Variants in MYO1D observed in about 807,000 individuals in gnomAD.
The protein encoded by MYO1D is unconventional myosin-Id.
A neutral mutation model predicts 122.0 loss-of-function variants in MYO1D; 83 were observed. The ratio of observed to expected loss-of-function variants is 0.68; its 90% confidence interval spans 0.57 to 0.82. MYO1D has a LOEUF of 0.82. Among genes scored for constraint, MYO1D ranks in the 40% least tolerant of loss-of-function variants. The pLI is 0.00. For missense variants in MYO1D, 1,157 were observed against 1,269.5 expected (o/e 0.91, Z 1.35); for synonymous variants, 464 against 446.9 (o/e 1.04, Z -0.48).
intron 1 of MYO1D, among the ~76,000 whole-genome samples, chr17:32,840,511 C>T (rs1193875890): frequency 6.6e-6 from 1 of 152,140 alleles, no homozygotes; most frequent in Non-Finnish European, 1.5e-5. Context: ...TGTGTCATGA[C>T]ATAAAAAAGG....
At chr17:32,503,493 T>G (rs1248242331) in intron 21 of MYO1D, among the ~76,000 whole-genome samples, 1 of 152,126 alleles carries the variant, frequency 6.6e-6, no homozygotes, top group Non-Finnish European at 1.5e-5. Flanking sequence ...GAAAATGCAG[T>G]GGAAGTGGGG....
intron 14 of MYO1D, among the ~76,000 whole-genome samples, chr17:32,722,018 C>T (rs976578340): frequency 6.6e-6 from 1 of 152,138 alleles, no homozygotes; most frequent in Admixed American, 6.5e-5. Context: ...ATACAGAATA[C>T]TCTGTAGTTA....
intron 1 of MYO1D, among the ~76,000 whole-genome samples, chr17:32,824,185 ACT>A (rs1272013286): frequency 2.6e-5 from 4 of 152,122 alleles, no homozygotes; most frequent in Admixed American, 6.5e-5. Flanking sequence ...TAAAAGCAAG[ACT>A]CTCAGAATGA....
At chr17:32,512,173 G>A (rs1909716797) in intron 21 of MYO1D, among the ~76,000 whole-genome samples, 2 of 152,078 alleles carry the variant, frequency 1.3e-5, no homozygotes, top group Non-Finnish European at 2.9e-5. Flanking sequence ...GGTGGTGCAT[G>A]CCTGTAATCC....
chr17:32,682,612 G>A (rs1567946672), intron 16 of MYO1D, among the ~76,000 whole-genome samples: 1 of 146,866 alleles, frequency 6.8e-6, no homozygotes, highest in Non-Finnish European at 1.5e-5. Context: ...GGTTTCTGCC[G>A]AGAGATCAGC....
At chr17:32,618,727 C>T (rs916116816) in intron 20 of MYO1D, among the ~76,000 whole-genome samples, 21 of 151,876 alleles carry the variant, frequency 1.4e-4, no homozygotes, top group African/African-American at 2.4e-4. Context: ...CTCCGACTCC[C>T]GGGTTTCAGT....
At chr17:32,611,232 C>A (rs916875151) in intron 20 of MYO1D, among the ~76,000 whole-genome samples, 3 of 152,092 alleles carry the variant, frequency 2.0e-5, no homozygotes, top group Non-Finnish European at 2.9e-5. Flanking sequence ...TTCTCATTTA[C>A]GAAATCAGCG....
At chr17:32,639,409 G>GTGTGTGTGTA (rs2088159701) in intron 19 of MYO1D, among the ~76,000 whole-genome samples, 2 of 149,254 alleles carry the variant, frequency 1.3e-5, no homozygotes, top group African/African-American at 5.0e-5. Context: ...GTGTGTGTGT[G>GTGTGTGTGTA]TAGAATGCTA....
rs773619609 is a variant in MYO1D at position 32,772,788 on chromosome 17, C to G, written c.618+1G>C. 1.2e-6 allele frequency: 2 copies of G among 1,606,632 alleles called. No individual in the cohort carries two copies. The highest frequency in any genetic ancestry group is 1.7e-6 in the Non-Finnish European group (2 of 1,173,202). ...AATTATCTGTATAATGGATTACTAA[C>G]CTGATAGAAAGAATGAAAGCTTCTT... On this transcript the variant is annotated splice_donor_variant, in intron 5 of 21. Transcript: ENST00000318217. LOFTEE classifies it high-confidence loss of function.
chr17:32,627,911 G>C (rs2087949139), intron 20 of MYO1D: 1 of 152,042 alleles, frequency 6.6e-6, no homozygotes, highest in African/African-American at 2.4e-5. Context: ...TGCTGGTTTG[G>C]GAGGACTAAT....
At chr17:32,551,852 C>A (rs998250594) in intron 21 of MYO1D, among the ~76,000 whole-genome samples, 5 of 152,150 alleles carry the variant, frequency 3.3e-5, no homozygotes, top group Non-Finnish European at 7.3e-5. Context: ...ATAAATATTT[C>A]TTGATTGAAT....
intron 20 of MYO1D, among the ~76,000 whole-genome samples, chr17:32,637,479 T>C (rs1018499206): frequency 1.3e-5 from 2 of 152,078 alleles, no homozygotes; most frequent in South Asian, 2.1e-4. Flanking sequence ...GAGACCAGCC[T>C]GGTCAACTTG....
intron 21 of MYO1D, chr17:32,602,408 C>T (rs910786371): frequency 3.3e-5 from 5 of 152,150 alleles, no homozygotes; most frequent in African/African-American, 1.2e-4. Context: ...TGTTTCAGGA[C>T]ATAGCTAAGT....
chr17:32,738,453 T>C, intron 13 of MYO1D, 68 bp from the exon 14 acceptor site: 1 of 1,437,016 alleles, frequency 7.0e-7, no homozygotes, highest in Non-Finnish European at 9.3e-7. Context: ...TGATAAGCAA[T>C]TCTGCTGAAA....
intron 13 of MYO1D, among the ~76,000 whole-genome samples, chr17:32,743,540 C>A (rs1251895384): frequency 6.6e-6 from 1 of 152,046 alleles, no homozygotes; most frequent in Non-Finnish European, 1.5e-5. Flanking sequence ...CAAAATATCA[C>A]CCAATCTGAC....
At chr17:32,833,590 GAAAAATGTCA>G (rs1254474280) in intron 1 of MYO1D, among the ~76,000 whole-genome samples, 3 of 152,140 alleles carry the variant, frequency 2.0e-5, no homozygotes, top group Admixed American at 6.6e-5. Flanking sequence ...GGCACCCCAG[GAAAAATGTCA>G]AGTCTTTCTA....
intron 1 of MYO1D, among the ~76,000 whole-genome samples, chr17:32,840,792 C>T (rs76564048): frequency 0.06 from 9,169 of 152,198 alleles, 466 homozygotes; most frequent in East Asian, 0.19. Flanking sequence ...GAGTCAGATG[C>T]CCATCCTTGG....
intron 19 of MYO1D, among the ~76,000 whole-genome samples, chr17:32,650,471 T>C (rs927011407): frequency 6.6e-6 from 1 of 152,176 alleles, no homozygotes; most frequent in African/African-American, 2.4e-5. Context: ...GCTGTTATTT[T>C]AAAAAATATT....
intron 19 of MYO1D, 73 bp downstream of exon 19, chr17:32,653,770 C>T: frequency 7.8e-7 from 1 of 1,287,378 alleles, no homozygotes. Context: ...TGTTTTATTA[C>T]AGGCTTGCTT....
Sources: gnomAD v4.1 joint callset for allele counts (sites outside exome capture counted in the v4.1 genomes callset) on GRCh38, gnomAD v4.1.1 for gene constraint, MANE v1.5 for transcripts, NCBI Gene and HGNC (gene_info 2026-07-23, HGNC 2026-07-21) for gene names.